FREM1: variants seen among roughly 807,000 people sequenced by gnomAD.
FREM1 encodes FRAS1-related extracellular matrix protein 1.
FREM1 carries 220 observed loss-of-function variants against 210.1 expected under a neutral mutation model. That is an observed-to-expected ratio of 1.05 (90% CI 0.94 to 1.17). The LOEUF (loss-of-function observed/expected upper bound fraction) is 1.17, where lower values mean the gene tolerates loss of function less well. FREM1 is among the 50% of genes most tolerant of loss of function. The pLI, the probability that FREM1 is intolerant of heterozygous loss-of-function variation, is 0.00. For synonymous variants in FREM1, 1,189 were observed against 980.2 expected, an observed-to-expected ratio of 1.21 and a Z score of -3.98; for missense variants, 3,454 against 2,675.5, an observed-to-expected ratio of 1.29 and a Z score of -6.42.
chr9:14,884,374 T>C (rs905863789), intron 1 of FREM1, among the ~76,000 whole-genome samples: 2 of 152,258 alleles, frequency 1.3e-5, no homozygotes, highest in Non-Finnish European at 1.5e-5. Flanking sequence ...TTTCCCACCA[T>C]TGCCTTTTTT....
chr9:14,840,524 C>G (rs1825493277), intron 10 of FREM1, among the ~76,000 whole-genome samples: 1 of 152,160 alleles, frequency 6.6e-6, no homozygotes. Context: ...AGGGGACCAC[C>G]CGTTTTTAAA....
At chr9:14,860,643 A>T (rs1351742697) in intron 3 of FREM1, among the ~76,000 whole-genome samples, 1 of 143,104 alleles carries the variant, frequency 7.0e-6, no homozygotes, top group Non-Finnish European at 1.5e-5. Flanking sequence ...ATACACATGT[A>T]TACATATATA....
intron 10 of FREM1, among the ~76,000 whole-genome samples, chr9:14,834,257 G>A (rs1159972652): frequency 6.6e-6 from 1 of 152,170 alleles, no homozygotes; most frequent in Non-Finnish European, 1.5e-5. Flanking sequence ...TACAAAATAA[G>A]CCAATTGGCT....
chr9:14,835,148 T>C (rs1407575800), intron 10 of FREM1, among the ~76,000 whole-genome samples: 1 of 152,236 alleles, frequency 6.6e-6, no homozygotes, highest in African/African-American at 2.4e-5. Context: ...ACTCACAAAG[T>C]TAAAGCAAAC....
intron 10 of FREM1, among the ~76,000 whole-genome samples, chr9:14,828,230 G>A (rs73642426): frequency 0.016 from 2,469 of 152,296 alleles, 70 homozygotes; most frequent in African/African-American, 0.055. Context: ...CTGGGGCCTT[G>A]GGGGCCCAAT....
At chr9:14,813,502 T>G (rs1819760689) in intron 15 of FREM1, among the ~76,000 whole-genome samples, 1 of 152,170 alleles carries the variant, frequency 6.6e-6, no homozygotes, top group Non-Finnish European at 1.5e-5. Context: ...TTACAAAGCT[T>G]TCCTCCACCC....
chr9:14,764,034 C>A (rs1563864023), intron 27 of FREM1, among the ~76,000 whole-genome samples: 1 of 152,164 alleles, frequency 6.6e-6, no homozygotes, highest in African/African-American at 2.4e-5. Flanking sequence ...ATAATTCCCA[C>A]ATGTTGTGGG....
chr9:14,867,135 C>T (rs1235096990), intron 2 of FREM1, among the ~76,000 whole-genome samples: 3 of 152,184 alleles, frequency 2.0e-5, no homozygotes, highest in African/African-American at 7.2e-5. Context: ...ACTGGAATTA[C>T]AGGCGTAAGC....
intron 13 of FREM1, among the ~76,000 whole-genome samples, chr9:14,821,730 GT>G (rs1821352452): frequency 1.3e-5 from 2 of 152,338 alleles, no homozygotes; most frequent in South Asian, 4.1e-4. Flanking sequence ...AATAAGTGTG[GT>G]GAGTTGGATG....
rs1170673338 is a variant in FREM1 at position 14,860,940 on chromosome 9, C to CAT, written c.330-1458_330-1457dup. ...ATACACATATATACACATATACACA[C>CAT]ATATACACATATACACATATATACA... On this transcript the variant is annotated intron_variant, in intron 3 of 36. Transcript: ENST00000380880. Among the ~76,000 whole-genome samples, 318 of 67,138 alleles carry CAT rather than the reference C, an allele frequency of 4.7e-3. 9 individuals are homozygous for CAT. Among genetic ancestry groups the CAT allele is most frequent in the Non-Finnish European group, 6.0e-3 (222 of 37,004 alleles). The allele number at this position is 67,138 out of a possible 152,430, so 44.0% of individuals were successfully genotyped here. A position where few individuals can be genotyped will look rare whatever the true frequency, so the allele number is the denominator to read the frequency against.
chr9:14,841,494 A>G lies in FREM1; in HGVS notation c.1834T>C (p.Phe612Leu). The part of the protein sequence containing the change: ...GGEIFEDSFQ[F>L]VLWDSHEPPN... Reference sequence around the variant, plus strand: ...GGTTCATGGCTGTCCCACAGGACAAATTGAAAAGAATCTTCAAAGATTTCT... The same window carrying G: ...GGTTCATGGCTGTCCCACAGGACAAGTTGAAAAGAATCTTCAAAGATTTCT... The change falls in exon 10 of 37, where the codon TTT becomes CTT. Residue 612 changes from phenylalanine to leucine, a missense_variant. Physicochemically the swap from Phe to Leu is conservative, Grantham distance 22. Coordinates refer to ENST00000380880, the MANE Select transcript of FREM1 (RefSeq NM_001379081.2). 1 of 1,612,460 alleles carries G rather than the reference A, an allele frequency of 6.2e-7. No homozygotes were observed. The highest frequency in any genetic ancestry group is 8.5e-7 in the Non-Finnish European group (1 of 1,178,838).
In FREM1 at chr9:14,812,856, G is replaced by C. The variant is rs199638556; in HGVS notation, c.2849C>G (p.Ser950Cys). ...GGCCTCTGAGATAACATCTCTCTGA[G>C]AGAACTGATCCACTGTGACTCCAGC... is the stretch of plus-strand genomic sequence containing the variant. ...RRAGVTVDQFSQRDVISEAVT... is the reference protein window; with the variant it reads ...RRAGVTVDQFCQRDVISEAVT... Residue 950 changes from serine (S) to cysteine (C), a missense_variant, in exon 16 of 37, where the codon TCT becomes TGT. Transcript: ENST00000380880. 1.2e-5 allele frequency: 20 copies of C among 1,613,658 alleles called. No homozygotes were observed. The African/African-American group carries it at 1.9e-4, about 15-fold the overall frequency.
chr9:14,825,540 T>TGTGTGA (rs1822219473), intron 10 of FREM1, among the ~76,000 whole-genome samples: 1 of 42,176 alleles, frequency 2.4e-5, no homozygotes, highest in African/African-American at 4.3e-5. Context: ...TATATATGTG[T>TGTGTGA]GTGTGTGTAT....
intron 14 of FREM1, among the ~76,000 whole-genome samples, chr9:14,818,616 T>C (rs75755021): frequency 0.014 from 2,099 of 152,330 alleles, 59 homozygotes; most frequent in African/African-American, 0.047. Flanking sequence ...TAGGAAAGTT[T>C]CTTACAGAAC....
rs189908338 is a variant in FREM1, at chr9:14,815,486, T to C, written c.2640+1292A>G. 2.0e-5 allele frequency among the ~76,000 whole-genome samples: 3 copies of C among 152,192 alleles called. No individual in the cohort carries two copies. In the East Asian group the frequency reaches 5.8e-4, roughly 29 times the overall value. ...CAGAAAGAAAAATAATCTAGAACAATGAAAATAATTAGTGGCTCTTCAGGG... is the reference window on the plus strand; with the variant it reads ...CAGAAAGAAAAATAATCTAGAACAACGAAAATAATTAGTGGCTCTTCAGGG... On this transcript the variant is annotated intron_variant, in intron 15 of 36. Transcript: ENST00000380880.
chr9:14,905,298 A>T (rs1817498071), intron 1 of FREM1, among the ~76,000 whole-genome samples: 1 of 152,160 alleles, frequency 6.6e-6, no homozygotes, highest in Admixed American at 6.5e-5. Context: ...ACTCCTCCAC[A>T]TGTTTGAATG....
At chr9:14,751,107 A>C (rs1228411292) in intron 29 of FREM1, among the ~76,000 whole-genome samples, 1 of 152,158 alleles carries the variant, frequency 6.6e-6, no homozygotes, top group Non-Finnish European at 1.5e-5. Flanking sequence ...TATGATGTGG[A>C]TCATAGGATA....
rs77180138 is a variant in FREM1 at position 14,858,697 on chromosome 9, A to T, written c.631+486T>A. 7.1e-3 allele frequency among the ~76,000 whole-genome samples: 1,081 copies of T among 152,300 alleles called. 11 individuals carry two copies. The highest frequency in any genetic ancestry group is 0.025 in the African/African-American group (1,041 of 41,556). ...AATAGGTTGATTGAGTGAATAGCAG[A>T]AGGAATGTTACCCATAAACTCTTCC... On this transcript the variant is annotated intron_variant, in intron 4 of 36. Transcript: ENST00000380880.
intron 6 of FREM1, 46 bp downstream of exon 6, chr9:14,851,238 C>T (rs755483150): frequency 7.0e-7 from 1 of 1,419,940 alleles, no homozygotes; most frequent in South Asian, 1.4e-5. Flanking sequence ...TCTTAAATAA[C>T]CCTGTGACTT....
Sources: allele counts gnomAD v4.1 joint callset (sites outside exome capture counted in the v4.1 genomes callset), GRCh38; gene constraint gnomAD v4.1.1; transcripts MANE v1.5; gene names NCBI Gene and HGNC (gene_info 2026-07-23, HGNC 2026-07-21).